The following SMAD4 variants were observed in gnomAD, a reference collection of about 807,000 sequenced individuals.
SMAD4 encodes SMAD family member 4.
In SMAD4, 7 loss-of-function variants were observed where a neutral mutation model predicts 63.2. The observed-to-expected ratio is 0.11, with a 90% CI of 0.06 to 0.21. The LOEUF (loss-of-function observed/expected upper bound fraction) is 0.21, where lower values mean the gene tolerates loss of function less well. Among genes scored for constraint, SMAD4 ranks in the 10% least tolerant of loss-of-function variants. The pLI, the probability that SMAD4 is intolerant of heterozygous loss-of-function variation, is 1.00. For synonymous variants in SMAD4, 215 were observed against 235.4 expected (o/e 0.91, Z 0.79); for missense variants, 312 against 693.8 (o/e 0.45, Z 6.18).
Position 51,078,667 on chromosome 18 carries a change from G to T in SMAD4, c.*200G>T. On this transcript the variant is annotated 3_prime_UTR_variant, in exon 12 of 12. Coordinates refer to ENST00000342988, the MANE Select transcript of SMAD4 (RefSeq NM_005359.6). ...TTTTTTCCTCTTCAGAACTTGTCAG[G>T]CATGGCTCAGAGCTTGAAGATTAGG... is the stretch of plus-strand genomic sequence containing the variant. The T allele has an allele frequency of 1.8e-6, 1 of 561,568 alleles. No individual in the cohort carries two copies. The allele number at this position is 561,568 out of a possible 1,614,324, so 34.8% of individuals were successfully genotyped here.
Position 51,079,263 on chromosome 18 carries a change from G to T in SMAD4, c.*796G>T, listed in dbSNP as rs933630194. 3 of 233,040 alleles carry T rather than the reference G, an allele frequency of 1.3e-5. No individual in the cohort carries two copies. The highest frequency in any genetic ancestry group is 8.5e-6 in the Non-Finnish European group (1 of 117,876). The allele number at this position is 233,040 out of a possible 1,614,324, so 14.4% of individuals were successfully genotyped here. On this transcript the variant is annotated 3_prime_UTR_variant, in exon 12 of 12. Coordinates refer to ENST00000342988, the MANE Select transcript of SMAD4 (RefSeq NM_005359.6). ...TGTATTTCTAGGCACAAGGTTGGTT[G>T]CTAAGAAGCCTATAAGAGGAATTTC...
At chr18:51,072,112 A>G (rs1910333058) in intron 10 of SMAD4, among the ~76,000 whole-genome samples, 1 of 152,222 alleles carries the variant, frequency 6.6e-6, no homozygotes, top group Non-Finnish European at 1.5e-5. Flanking sequence ...GTACATACCT[A>G]AAAGTGGAAT....
intron 10 of SMAD4, among the ~76,000 whole-genome samples, chr18:51,073,597 C>G (rs1006759330): frequency 2.0e-5 from 3 of 151,692 alleles, no homozygotes; most frequent in African/African-American, 7.3e-5. Context: ...GTGGTGCCAT[C>G]TTGGCTCACT....
Position 51,038,251 on chromosome 18 carries a change from T to TGGG in SMAD4, c.-128+7637_-128+7639dup, listed in dbSNP as rs374538576. Among the ~76,000 whole-genome samples, 77 of 94,900 alleles carry TGGG rather than the reference T, an allele frequency of 8.1e-4. 1 individual carries two copies. Among genetic ancestry groups the TGGG allele is most frequent in the African/African-American group, 1.6e-3 (32 of 20,038 alleles). The allele number at this position is 94,900 out of a possible 152,430, so 62.3% of individuals were successfully genotyped here. A position where few individuals can be genotyped will look rare whatever the true frequency, so the allele number is the denominator to read the frequency against. On this transcript the variant is annotated intron_variant, in intron 1 of 11. Transcript: ENST00000342988. ...GGGCCTAGGCTACAGAGCGAGACTGTGGGGGGGGGGGCAGTATGAGGAAGT... is the reference window on the plus strand; with the variant it reads ...GGGCCTAGGCTACAGAGCGAGACTGTGGGGGGGGGGGGGGCAGTATGAGGAAGT...
At chr18:51,041,803 A>T (rs1028680418) in intron 1 of SMAD4, among the ~76,000 whole-genome samples, 2 of 152,208 alleles carry the variant, frequency 1.3e-5, no homozygotes, top group African/African-American at 4.8e-5. Flanking sequence ...ATGAATGTGT[A>T]TTATATCCTA....
At position 51,052,574 on chromosome 18, in the gene SMAD4, G is replaced by A. The variant is rs998927051; in HGVS notation, c.455-2207G>A. On this transcript the variant is annotated intron_variant, in intron 4 of 11. Coordinates refer to ENST00000342988, the MANE Select transcript of SMAD4 (RefSeq NM_005359.6). Reference sequence around the variant, plus strand: ...AGAAATATTTAACAGTTTGGTATCTGTTTTTCTGGACTTTAAAAAATATAT... The same window carrying A: ...AGAAATATTTAACAGTTTGGTATCTATTTTTCTGGACTTTAAAAAATATAT... The A allele has an allele frequency of 6.4e-5, 15 of 235,194 alleles. No individual in the cohort carries two copies. The South Asian group carries it at 6.9e-4, about 11-fold the overall frequency. The allele number at this position is 235,194 out of a possible 1,614,324, so 14.6% of individuals were successfully genotyped here.
chr18:51,068,701 T>C (rs943239337), intron 10 of SMAD4, among the ~76,000 whole-genome samples: 3 of 152,118 alleles, frequency 2.0e-5, no homozygotes, highest in African/African-American at 7.2e-5. Flanking sequence ...GGAGGATTGC[T>C]TGAGACCAGG....
chr18:51,066,172 T>C (rs997367387), intron 9 of SMAD4, among the ~76,000 whole-genome samples: 1 of 151,820 alleles, frequency 6.6e-6, no homozygotes, highest in African/African-American at 2.4e-5. Flanking sequence ...GCCAACATGG[T>C]GAAACCCTGT....
At chr18:51,069,296 G>GT (rs1309529648) in intron 10 of SMAD4, among the ~76,000 whole-genome samples, 1 of 151,956 alleles carries the variant, frequency 6.6e-6, no homozygotes, top group East Asian at 1.9e-4. Context: ...TTTGTATTTA[G>GT]TAGAGACGGG....
At chr18:51,064,833 AC>A (rs998970168) in intron 8 of SMAD4, among the ~76,000 whole-genome samples, 1 of 152,218 alleles carries the variant, frequency 6.6e-6, no homozygotes, top group African/African-American at 2.4e-5. Context: ...TGTGTGTACA[AC>A]AACTGTGTGA....
chr18:51,037,417 A>C (rs1026912888), intron 1 of SMAD4, among the ~76,000 whole-genome samples: 2 of 152,210 alleles, frequency 1.3e-5, no homozygotes, highest in Non-Finnish European at 2.9e-5. Context: ...GTGAAGGAGC[A>C]GTGGTGGGTA....
At chr18:51,066,525 C>T (rs1430485387) in intron 9 of SMAD4, among the ~76,000 whole-genome samples, 1 of 152,122 alleles carries the variant, frequency 6.6e-6, no homozygotes, top group Non-Finnish European at 1.5e-5. Flanking sequence ...AACCTCTAAG[C>T]CATTCTGCCT....
intron 11 of SMAD4, 118 bp downstream of exon 11, chr18:51,076,894 T>A (rs1362763881): frequency 4.0e-5 from 30 of 746,300 alleles, no homozygotes; most frequent in Non-Finnish European, 4.7e-5. Context: ...TTTACTGGGA[T>A]GATGACATTT....
chr18:51,079,288 C>G lies in SMAD4; in HGVS notation c.*821C>G, dbSNP rs1910548506. The stretch of plus-strand genomic sequence containing the variant: ...GCTAAGAAGCCTATAAGAGGAATTT[C>G]TTTTCCTTCATTCATAGGGAAAGGT... On this transcript the variant is annotated 3_prime_UTR_variant, in exon 12 of 12. Coordinates refer to ENST00000342988, the MANE Select transcript of SMAD4 (RefSeq NM_005359.6). 4.3e-6 allele frequency: 1 copy of G among 233,162 alleles called. No individual in the cohort carries two copies. Among genetic ancestry groups the G allele is most frequent in the Admixed American group, 5.6e-5 (1 of 17,770 alleles). 14.4% of individuals were successfully genotyped at this position (233,162 alleles called of 1,614,324 possible). A position where few individuals can be genotyped will look rare whatever the true frequency, so the allele number is the denominator to read the frequency against.
chr18:51,062,687 T>G (rs1274682050), intron 8 of SMAD4, among the ~76,000 whole-genome samples: 3 of 143,910 alleles, frequency 2.1e-5, no homozygotes, highest in Non-Finnish European at 4.6e-5. Flanking sequence ...TTAGTAGAGA[T>G]AGGGTTTCAC....
intron 1 of SMAD4, among the ~76,000 whole-genome samples, chr18:51,036,688 ACTAGATCAATG>A (rs1909215838): frequency 6.6e-6 from 1 of 152,202 alleles, no homozygotes; most frequent in Non-Finnish European, 1.5e-5. Flanking sequence ...AAGATTGTAG[ACTAGATCAATG>A]CTTTGTAAAA....
intron 11 of SMAD4, 50 bp from the exon 12 acceptor site, chr18:51,078,206 G>A (rs2144477612): frequency 7.1e-7 from 1 of 1,403,370 alleles, no homozygotes; most frequent in Non-Finnish European, 1.0e-6. Flanking sequence ...TAGGGAGGAT[G>A]GGAAGAGATC....
chr18:51,060,460 TC>T (rs1909977405), intron 8 of SMAD4, among the ~76,000 whole-genome samples: 1 of 152,170 alleles, frequency 6.6e-6, no homozygotes, highest in Non-Finnish European at 1.5e-5. Flanking sequence ...ATACTGAAAG[TC>T]CCTTGTAACA....
At chr18:51,057,783 ATG>A (rs1237533752) in intron 5 of SMAD4, among the ~76,000 whole-genome samples, 1 of 152,242 alleles carries the variant, frequency 6.6e-6, no homozygotes, top group Non-Finnish European at 1.5e-5. Flanking sequence ...AGAGAGGTGG[ATG>A]GAGTGGCCAG....
Sources: gnomAD v4.1 joint callset for allele counts (sites outside exome capture counted in the v4.1 genomes callset) on GRCh38, gnomAD v4.1.1 for gene constraint, MANE v1.5 for transcripts, NCBI Gene and HGNC (gene_info 2026-07-23, HGNC 2026-07-21) for gene names.